The following SYT16 variants were observed in gnomAD, a reference collection of about 807,000 sequenced individuals.
SYT16 encodes the protein synaptotagmin 16.
Under a neutral mutation model 61.4 loss-of-function variants are expected in SYT16, and 42 were observed. The observed-to-expected ratio is 0.68, with a 90% confidence interval of 0.53 to 0.89. The LOEUF (loss-of-function observed/expected upper bound fraction) is 0.89. Ranked by LOEUF, SYT16 falls within the 40% of genes least tolerant of loss-of-function variation. The probability of loss-of-function intolerance (pLI) is 0.00; values close to 1 mark genes in which losing one functional copy is unlikely to be tolerated. For missense variants in SYT16, 804 were observed against 807.3 expected, an observed-to-expected ratio of 1.00 and a Z score of 0.05; for synonymous variants, 314 against 302.3, an observed-to-expected ratio of 1.04 and a Z score of -0.40.
chr14:61,960,492 C>T (rs2051073204), intron 1 of SYT16, among the ~76,000 whole-genome samples: 2 of 152,070 alleles, frequency 1.3e-5, no homozygotes, highest in African/African-American at 4.8e-5. Flanking sequence ...TCTTGATTGG[C>T]TCTGAGCTTG....
At chr14:62,090,139 A>G (rs768409813) in intron 7 of SYT16, among the ~76,000 whole-genome samples, 1 of 152,218 alleles carries the variant, frequency 6.6e-6, no homozygotes, top group African/African-American at 2.4e-5. Context: ...CTCTTTCTCC[A>G]TCTTCAGCTT....
At chr14:61,854,440 G>C (rs1488760620) in intron 1 of SYT16, among the ~76,000 whole-genome samples, 3 of 152,068 alleles carry the variant, frequency 2.0e-5, no homozygotes, top group African/African-American at 7.2e-5. Flanking sequence ...ACGCGCGCAC[G>C]CGCGTGCACA....
At chr14:61,967,318 C>T (rs1403414187) in intron 1 of SYT16, among the ~76,000 whole-genome samples, 2 of 152,130 alleles carry the variant, frequency 1.3e-5, no homozygotes, top group Admixed American at 6.5e-5. Context: ...CAGATTTTGT[C>T]CTCTGGGTAA....
chr14:61,890,498 C>CA (rs34468900), intron 1 of SYT16, among the ~76,000 whole-genome samples: 3,449 of 116,020 alleles, frequency 0.03, 132 homozygotes, highest in East Asian at 0.21. Flanking sequence ...TCCTTCATGA[C>CA]AAAAAAAAAA....
At chr14:61,892,040 A>G (rs1467591168) in intron 1 of SYT16, among the ~76,000 whole-genome samples, 3 of 150,550 alleles carry the variant, frequency 2.0e-5, no homozygotes, top group Non-Finnish European at 4.4e-5. Flanking sequence ...ATTCAAAGGA[A>G]GATCTCACTT....
chr14:62,014,766 T>A (rs2053601035), intron 3 of SYT16, among the ~76,000 whole-genome samples: 1 of 152,162 alleles, frequency 6.6e-6, no homozygotes, highest in African/African-American at 2.4e-5. Flanking sequence ...TTCCATCTTT[T>A]ATTCATTCTT....
At chr14:61,995,504 G>T (rs555911167) in intron 2 of SYT16, among the ~76,000 whole-genome samples, 1 of 152,088 alleles carries the variant, frequency 6.6e-6, no homozygotes, top group Non-Finnish European at 1.5e-5. Flanking sequence ...AGCTCTTTGG[G>T]ATCTGCAGGT....
chr14:62,006,088 T>G (rs2053211612), intron 3 of SYT16, among the ~76,000 whole-genome samples: 1 of 152,108 alleles, frequency 6.6e-6, no homozygotes, highest in Non-Finnish European at 1.5e-5. Flanking sequence ...AGCTCTTATT[T>G]CTCTTTCTTC....
intron 3 of SYT16, among the ~76,000 whole-genome samples, chr14:61,999,589 A>T (rs187285419): frequency 1.3e-5 from 2 of 151,078 alleles, no homozygotes; most frequent in South Asian, 2.1e-4. Context: ...ATTTATCACT[A>T]TTGTTTTTCT....
chr14:62,100,077 C>T (rs951216824), intron 7 of SYT16, among the ~76,000 whole-genome samples: 2 of 152,174 alleles, frequency 1.3e-5, no homozygotes, highest in Non-Finnish European at 2.9e-5. Flanking sequence ...AAGAACTGTG[C>T]CTGCCCACAA....
At chr14:61,974,766 AAAGAT>A (rs1473679209) in intron 2 of SYT16, among the ~76,000 whole-genome samples, 1 of 152,230 alleles carries the variant, frequency 6.6e-6, no homozygotes, top group Non-Finnish European at 1.5e-5. Flanking sequence ...TTCTCCAGAG[AAAGAT>A]AAGAGCACTG....
Position 62,078,809 on chromosome 14 carries a change from A to G in SYT16, c.994-2025A>G, listed in dbSNP as rs180958177. 1.3e-3 allele frequency among the ~76,000 whole-genome samples: 200 copies of G among 152,362 alleles called. 2 individuals carry two copies. Among genetic ancestry groups the G allele is most frequent in the East Asian group, 9.6e-4 (5 of 5,192 alleles). On this transcript the variant is annotated intron_variant, in intron 5 of 7. Transcript: ENST00000683842. ...GCCTTGGCGGTCGACAGAGAGACCA[A>G]TGATAAGAAATGAGAATTATATTGT...
chr14:61,977,278 T>G (rs2140548556), intron 2 of SYT16, among the ~76,000 whole-genome samples: 1 of 152,348 alleles, frequency 6.6e-6, no homozygotes, highest in East Asian at 1.9e-4. Context: ...CAAGTATCTT[T>G]ATAGCAGTAC....
chr14:61,973,182 A>T (rs968065154), intron 2 of SYT16, among the ~76,000 whole-genome samples: 2 of 152,222 alleles, frequency 1.3e-5, no homozygotes, highest in Non-Finnish European at 2.9e-5. Flanking sequence ...CCTACTATGC[A>T]AAATGATTTG....
rs535585364 is a variant in SYT16, at chr14:61,889,593, T to G, written c.-325+76783T>G. Among the ~76,000 whole-genome samples, 12 of 151,938 alleles carry G rather than the reference T, an allele frequency of 7.9e-5. No individual in the cohort carries two copies. In the South Asian group the frequency reaches 1.0e-3, roughly 13 times the overall value. ...TCCCTCTGCTCGCTCTTGCTCCCTCTCTCTCTCTCTCTGTCTCCCTCCCTC... is the reference window on the plus strand; with the variant it reads ...TCCCTCTGCTCGCTCTTGCTCCCTCGCTCTCTCTCTCTGTCTCCCTCCCTC... On this transcript the variant is annotated intron_variant, in intron 1 of 7. Transcript: ENST00000683842.
intron 1 of SYT16, among the ~76,000 whole-genome samples, chr14:61,968,912 A>G (rs561708085): frequency 2.0e-5 from 3 of 152,114 alleles, no homozygotes; most frequent in South Asian, 4.1e-4. Flanking sequence ...CACTGTTGCT[A>G]TTTTGCAGAC....
At chr14:62,039,014 G>A (rs926956023) in intron 3 of SYT16, among the ~76,000 whole-genome samples, 6 of 152,226 alleles carry the variant, frequency 3.9e-5, no homozygotes, top group Admixed American at 3.3e-4. Flanking sequence ...GAAATGGAAG[G>A]TCAGAGAAGT....
intron 3 of SYT16, among the ~76,000 whole-genome samples, chr14:62,016,229 C>T (rs2053671219): frequency 6.6e-6 from 1 of 152,104 alleles, no homozygotes; most frequent in African/African-American, 2.4e-5. Context: ...TGGCACAGCT[C>T]CAAGTCATTT....
At chr14:61,831,249 C>T (rs2045927217) in intron 1 of SYT16, among the ~76,000 whole-genome samples, 1 of 152,196 alleles carries the variant, frequency 6.6e-6, no homozygotes, top group African/African-American at 2.4e-5. Flanking sequence ...GGACAGAGAG[C>T]AGACTTTTCT....
Sources: gnomAD v4.1 joint callset for allele counts (sites outside exome capture counted in the v4.1 genomes callset) on GRCh38, gnomAD v4.1.1 for gene constraint, MANE v1.5 for transcripts, NCBI Gene and HGNC (gene_info 2026-07-23, HGNC 2026-07-21) for gene names.